The following UTP6 variants were observed in gnomAD, a reference collection of about 807,000 sequenced individuals.
The protein encoded by UTP6 is U3 small nucleolar RNA-associated protein 6 homolog.
Under a neutral mutation model 96.5 loss-of-function variants are expected in UTP6, and 60 were observed. That is an observed-to-expected ratio of 0.62 (90% CI 0.51 to 0.77). The LOEUF is 0.77. Among genes scored for constraint, UTP6 ranks in the 30% least tolerant of loss-of-function variants. The probability of loss-of-function intolerance (pLI) is 0.00; values close to 1 mark genes in which losing one functional copy is unlikely to be tolerated. For synonymous variants in UTP6, 215 were observed against 240.1 expected, an observed-to-expected ratio of 0.90 and a Z score of 0.96; for missense variants, 637 against 706.5, an observed-to-expected ratio of 0.90 and a Z score of 1.12.
chr17:31,880,351 G>A lies in UTP6; in HGVS notation c.967+222C>T, dbSNP rs577460400. ...CAGGAGAATTGCTTGAACCCGGGAG[G>A]TGGAGGTTGCAGTGAGCCGAAATCG... On this transcript the variant is annotated intron_variant, in intron 11 of 18. Transcript: ENST00000261708. 147 of 488,306 alleles carry A rather than the reference G, an allele frequency of 3.0e-4. 2 individuals carry two copies. In the East Asian group the frequency reaches 5.6e-3, roughly 19 times the overall value. The allele number at this position is 488,306 out of a possible 1,614,324, so 30.2% of individuals were successfully genotyped here.
At chr17:31,880,807 A>G in intron 10 of UTP6, 53 bp from the exon 11 acceptor site, 2 of 1,605,634 alleles carry the variant, frequency 1.2e-6, no homozygotes, top group Non-Finnish European at 8.5e-7. Flanking sequence ...CTGACTCAGA[A>G]TATCAGAGAA....
intron 15 of UTP6, 67 bp downstream of exon 15, chr17:31,873,606 G>C (rs904557375): frequency 9.3e-6 from 15 of 1,610,786 alleles, no homozygotes; most frequent in Non-Finnish European, 1.1e-5. Context: ...TGCAACACTA[G>C]AGCTGACCAA....
rs970690564 is a variant in UTP6, at chr17:31,892,074, A to G, written c.424+186T>C. On this transcript the variant is annotated intron_variant, in intron 6 of 18. Transcript: ENST00000261708. ...TGCCTGCAGATACAACACCTAGGAC[A>G]GTAACTAGTATATAGTAGGCAGGGG... 13 of 606,310 alleles carry G rather than the reference A, an allele frequency of 2.1e-5. No homozygotes were observed. The Admixed American group carries it at 3.5e-4, about 16-fold the overall frequency. 37.6% of individuals were successfully genotyped at this position (606,310 alleles called of 1,614,324 possible). A position where few individuals can be genotyped will look rare whatever the true frequency, so the allele number is the denominator to read the frequency against.
In UTP6 at chr17:31,901,587, G is replaced by C. The variant is rs771926093; in HGVS notation, c.41C>G (p.Pro14Arg). ...AATGCGCTCCAGCTGTTCCAATTCC[G>C]GGAGCCGATCTTCTATGCGTTCCTG... Reference protein sequence around the residue: ...IIQERIEDRLPELEQLERIGL... With the variant: ...IIQERIEDRLRELEQLERIGL... The change falls in exon 1 of 19, where the codon CCG (proline) becomes CGG (arginine). Residue 14 changes from proline (P) to arginine (R), a missense_variant. Coordinates refer to ENST00000261708, the MANE Select transcript of UTP6 (RefSeq NM_018428.3). 3 of 1,613,906 alleles carry C rather than the reference G, an allele frequency of 1.9e-6. No homozygotes were observed. Among genetic ancestry groups the C allele is most frequent in the Non-Finnish European group, 1.7e-6 (2 of 1,180,008 alleles).
intron 6 of UTP6, among the ~76,000 whole-genome samples, chr17:31,891,695 G>T (rs991900287): frequency 6.6e-6 from 1 of 152,102 alleles, no homozygotes; most frequent in Non-Finnish European, 1.5e-5. Flanking sequence ...GTCCCACAAA[G>T]GATTCAAAAG....
At chr17:31,889,023 G>C (rs987814745) in intron 7 of UTP6, among the ~76,000 whole-genome samples, 1 of 151,304 alleles carries the variant, frequency 6.6e-6, no homozygotes, top group Non-Finnish European at 1.5e-5. Context: ...AGTGAGCCGA[G>C]ACCGTGCCAC....
Position 31,889,383 on chromosome 17 carries a change from T to G in UTP6, c.445A>C (p.Lys149Gln). The change falls in exon 7 of 19, where the codon AAA becomes CAA. Residue 149 changes from lysine to glutamine, a missense_variant. Transcript: ENST00000261708. ...NKPALWIMAA[K>Q]WEMEDRLSSE... is the part of the protein sequence containing the mutation. The stretch of plus-strand genomic sequence containing the variant: ...GACAATCGATCTTCCATTTCCCATT[T>G]GGCTGCCATAATCCACAAAGCTGTA... 6.2e-7 allele frequency: 1 copy of G among 1,613,580 alleles called. No homozygotes were observed. The highest frequency in any genetic ancestry group is 8.5e-7 in the Non-Finnish European group (1 of 1,179,724).
chr17:31,878,348 C>G (rs768906041), intron 12 of UTP6, 21 bp from the exon 13 acceptor site: 51 of 1,612,876 alleles, frequency 3.2e-5, no homozygotes, highest in Non-Finnish European at 4.2e-5. Context: ...AAAAATCCCT[C>G]AGTTCATTAC....
rs190038386 is a variant in UTP6, at chr17:31,865,090, C to G, written c.1636+276G>C. On this transcript the variant is annotated intron_variant, in intron 18 of 18. Transcript: ENST00000261708. ...CTGGAGTGCAATGGTATAATCTCAG[C>G]TCACTGCAACCTCCGTCTCCCAGGC... 3.7e-3 allele frequency among the ~76,000 whole-genome samples: 558 copies of G among 152,340 alleles called. 23 individuals are homozygous for G. The highest frequency in any genetic ancestry group is 0.032 in the Admixed American group (489 of 15,292).
chr17:31,861,573 C>G lies in UTP6; in HGVS notation c.*1786G>C, dbSNP rs1909559097. 1.3e-5 allele frequency: 2 copies of G among 151,798 alleles called. No individual in the cohort carries two copies. Among genetic ancestry groups the G allele is most frequent in the East Asian group, 3.9e-4 (2 of 5,186 alleles). 9.4% of individuals were successfully genotyped at this position (151,798 alleles called of 1,614,324 possible). A position where few individuals can be genotyped will look rare whatever the true frequency, so the allele number is the denominator to read the frequency against. On this transcript the variant is annotated 3_prime_UTR_variant, in exon 19 of 19. Coordinates refer to ENST00000261708, the MANE Select transcript of UTP6 (RefSeq NM_018428.3). ...AAGGCTGTAGTGAGCCATGATCACACCACTGCACTCTAGCCTAGGTGACAA... is the reference window on the plus strand; with the variant it reads ...AAGGCTGTAGTGAGCCATGATCACAGCACTGCACTCTAGCCTAGGTGACAA...
intron 6 of UTP6, among the ~76,000 whole-genome samples, chr17:31,890,867 A>G (rs1201903953): frequency 6.6e-6 from 1 of 150,946 alleles, no homozygotes; most frequent in African/African-American, 2.4e-5. Flanking sequence ...CACATCTGTA[A>G]TCCCAGCTAC....
Position 31,873,404 on chromosome 17 carries a change from G to A in UTP6, c.1470C>T (p.Tyr490=). 1.2e-6 allele frequency: 2 copies of A among 1,614,188 alleles called. No homozygotes were observed. The highest frequency in any genetic ancestry group is 1.7e-5 in the Admixed American group (1 of 60,014). Residue 490 remains tyrosine (Y), a synonymous_variant, in exon 16 of 19, where the codon TAC becomes TAT. Transcript: ENST00000261708. ...YLDWAYRSGG[Y]KKARAVFKSL... is the part of the protein sequence containing the mutation. ...TTTTAAACACAGCTCTGGCCTTTTTGTAGCCACCACTTCGATAAGCCCAAT... is the reference window on the plus strand; with the variant it reads ...TTTTAAACACAGCTCTGGCCTTTTTATAGCCACCACTTCGATAAGCCCAAT...
chr17:31,887,483 G>T, intron 7 of UTP6, 170 bp from the exon 8 acceptor site: 1 of 573,628 alleles, frequency 1.7e-6, no homozygotes, highest in Non-Finnish European at 3.1e-6. Flanking sequence ...GAGTAGCTAG[G>T]ATTAGAGGTG....
Position 31,862,566 on chromosome 17 carries a change from T to G in UTP6, c.*793A>C, listed in dbSNP as rs558094432. 1.3e-5 allele frequency: 2 copies of G among 151,886 alleles called. No individual in the cohort carries two copies. The highest frequency in any genetic ancestry group is 2.9e-5 in the Non-Finnish European group (2 of 67,996). 9.4% of individuals were successfully genotyped at this position (151,886 alleles called of 1,614,324 possible). ...TGAGAATAAACCAACAAAACTGTAC[T>G]TTCTCCTTTTTTTTTTTCCTTGAGA... is the stretch of plus-strand genomic sequence containing the variant. On this transcript the variant is annotated 3_prime_UTR_variant, in exon 19 of 19. Coordinates refer to ENST00000261708, the MANE Select transcript of UTP6 (RefSeq NM_018428.3).
intron 9 of UTP6, 137 bp from the exon 10 acceptor site, chr17:31,884,642 T>C: frequency 3.0e-6 from 2 of 674,506 alleles, no homozygotes; most frequent in Non-Finnish European, 4.9e-6. Context: ...AGAAGAAAAG[T>C]CATCCCATAG....
At position 31,873,766 on chromosome 17, in the gene UTP6, T is replaced by TA. The variant is rs569168763; in HGVS notation, c.1306-14dup. 1.1e-4 allele frequency: 184 copies of TA among 1,600,668 alleles called. 1 individual carries two copies. Among genetic ancestry groups the TA allele is most frequent in the South Asian group, 9.8e-4 (87 of 88,844 alleles). The stretch of plus-strand genomic sequence containing the variant: ...ATGGCAGACAAACCTACTCCCAGTT[T>TA]AAAAAATGTTAGTTAGAGAACAGCA... On this transcript the variant is annotated splice_polypyrimidine_tract_variant and intron_variant, in intron 14 of 18. Coordinates refer to ENST00000261708, the MANE Select transcript of UTP6 (RefSeq NM_018428.3).
At chr17:31,887,392 C>G (rs1485890473) in intron 7 of UTP6, 79 bp from the exon 8 acceptor site, 3 of 1,173,322 alleles carry the variant, frequency 2.6e-6, no homozygotes, top group Admixed American at 1.9e-5. Context: ...CTCTGTCACC[C>G]AAGCTGGAGT....
intron 1 of UTP6, among the ~76,000 whole-genome samples, chr17:31,900,738 T>A (rs991830280): frequency 1.3e-5 from 2 of 152,224 alleles, no homozygotes; most frequent in African/African-American, 4.8e-5. Context: ...GACTTATTAC[T>A]ACGAAGGACT....
chr17:31,883,001 T>C (rs1432686353), intron 10 of UTP6, among the ~76,000 whole-genome samples: 1 of 152,040 alleles, frequency 6.6e-6, no homozygotes, highest in Non-Finnish European at 1.5e-5. Flanking sequence ...TTGCCGAAGC[T>C]TACAAATAAT....
Sources: gnomAD v4.1 joint callset for allele counts (sites outside exome capture counted in the v4.1 genomes callset) on GRCh38, gnomAD v4.1.1 for gene constraint, MANE v1.5 for transcripts, NCBI Gene and HGNC (gene_info 2026-07-23, HGNC 2026-07-21) for gene names.